HSD17B4: variants seen among roughly 807,000 people sequenced by gnomAD.
The protein encoded by HSD17B4 is peroxisomal multifunctional enzyme type 2.
HSD17B4 carries 70 observed loss-of-function variants against 101.0 expected under a neutral mutation model. The observed-to-expected ratio is 0.69, with a 90% CI of 0.57 to 0.85. HSD17B4 has a LOEUF of 0.85. Ranked by LOEUF, HSD17B4 falls within the 40% of genes least tolerant of loss-of-function variation. The probability of loss-of-function intolerance (pLI) is 0.00; values close to 1 mark genes in which losing one functional copy is unlikely to be tolerated. For missense variants in HSD17B4, 984 were observed against 892.4 expected, an observed-to-expected ratio of 1.10 and a Z score of -1.31; for synonymous variants, 347 against 297.1, an observed-to-expected ratio of 1.17 and a Z score of -1.73.
intron 1 of HSD17B4, among the ~76,000 whole-genome samples, chr5:119,455,721 A>G (rs1030863980): frequency 2.0e-5 from 3 of 152,082 alleles, no homozygotes; most frequent in South Asian, 4.1e-4. Flanking sequence ...CAAAGGATTC[A>G]ATACAGGCAA....
chr5:119,474,645 G>A (rs899286147), intron 4 of HSD17B4, among the ~76,000 whole-genome samples, 185 bp downstream of exon 4: 12 of 152,018 alleles, frequency 7.9e-5, no homozygotes, highest in African/African-American at 2.9e-4. Flanking sequence ...CAATTTTATG[G>A]ATATAGTGTT....
chr5:119,477,354 G>A (rs1448620009), intron 6 of HSD17B4, 63 bp from the exon 7 acceptor site: 6 of 1,118,784 alleles, frequency 5.4e-6, no homozygotes, highest in Middle Eastern at 2.2e-4. Context: ...CATTGCTTAT[G>A]TTGATTCTTA....
At chr5:119,476,654 T>C in intron 6 of HSD17B4, 1 of 985,332 alleles carries the variant, frequency 1.0e-6, no homozygotes, top group African/African-American at 1.7e-5. Flanking sequence ...AAAAAGAAGC[T>C]GAGAAAGATA....
At chr5:119,539,922 C>CAAA (rs35193622) in intron 23 of HSD17B4, among the ~76,000 whole-genome samples, 24,200 of 104,568 alleles carry the variant, frequency 0.23, 3,188 homozygotes, top group East Asian at 0.35. Flanking sequence ...CTGTCTCTAC[C>CAAA]AAAAAAAAAA....
chr5:119,477,454 A>G lies in HSD17B4; in HGVS notation c.387A>G (p.Gln129=), dbSNP rs948002599. ...IHRVHLRGSF[Q]VTRAAWEHMK... is the part of the protein sequence containing the mutation. ...GAGTTCATTTGCGGGGTTCATTCCA[A>G]GTGACACGGGCAGCATGGGAACACA... The change falls in exon 7 of 24, where the codon CAA becomes CAG. Residue 129 remains glutamine (Q), a synonymous_variant. Coordinates refer to ENST00000510025, the MANE Select transcript of HSD17B4 (RefSeq NM_000414.4). 2 of 1,612,990 alleles carry G rather than the reference A, an allele frequency of 1.2e-6. No homozygotes were observed. Among genetic ancestry groups the G allele is most frequent in the African/African-American group, 1.3e-5 (1 of 74,882 alleles).
At chr5:119,453,740 T>C (rs950623479) in intron 1 of HSD17B4, among the ~76,000 whole-genome samples, 2 of 152,278 alleles carry the variant, frequency 1.3e-5, no homozygotes, top group African/African-American at 2.4e-5. Context: ...CCAAGTATTT[T>C]ATACCCATAG....
intron 13 of HSD17B4, among the ~76,000 whole-genome samples, chr5:119,500,322 G>A (rs1373795177): frequency 1.3e-5 from 2 of 151,532 alleles, no homozygotes; most frequent in African/African-American, 4.8e-5. Context: ...AGAGAGAGAT[G>A]GGTGCATATA....
intron 2 of HSD17B4, among the ~76,000 whole-genome samples, chr5:119,458,429 T>G (rs898700088): frequency 1.4e-4 from 21 of 151,700 alleles, no homozygotes; most frequent in Non-Finnish European, 2.4e-4. Context: ...CTGCAACGTC[T>G]GCCTCCGGGT....
intron 14 of HSD17B4, among the ~76,000 whole-genome samples, chr5:119,503,798 T>C (rs1383572353): frequency 1.3e-5 from 2 of 152,118 alleles, no homozygotes; most frequent in Non-Finnish European, 2.9e-5. Flanking sequence ...AATTTTAACT[T>C]TTATTTTAGA....
chr5:119,474,859 T>C (rs959235222), intron 4 of HSD17B4, among the ~76,000 whole-genome samples: 9 of 152,158 alleles, frequency 5.9e-5, no homozygotes, highest in Non-Finnish European at 1.3e-4. Context: ...GCAAATTACT[T>C]AAGATGATTT....
intron 7 of HSD17B4, 70 bp downstream of exon 7, chr5:119,477,571 GATT>G: frequency 1.0e-6 from 1 of 1,001,832 alleles, no homozygotes; most frequent in Non-Finnish European, 1.6e-6. Flanking sequence ...TACAGGGAAA[GATT>G]ATGTGAAGTG....
intron 2 of HSD17B4, among the ~76,000 whole-genome samples, chr5:119,471,979 C>G (rs1485313055): frequency 6.6e-6 from 1 of 152,032 alleles, no homozygotes; most frequent in Non-Finnish European, 1.5e-5. Flanking sequence ...GATTTTCCTG[C>G]AAATAGTAAA....
At chr5:119,535,368 G>A (rs1754447515) in intron 22 of HSD17B4, among the ~76,000 whole-genome samples, 1 of 151,938 alleles carries the variant, frequency 6.6e-6, no homozygotes, top group Non-Finnish European at 1.5e-5. Context: ...AAAAAGAATT[G>A]ATCAGGGTCC....
intron 22 of HSD17B4, among the ~76,000 whole-genome samples, chr5:119,532,482 AG>A (rs1409294467): frequency 6.6e-6 from 1 of 152,142 alleles, no homozygotes; most frequent in East Asian, 1.9e-4. Flanking sequence ...TTTAAAAAAA[AG>A]GTTCTGAAAT....
intron 17 of HSD17B4, among the ~76,000 whole-genome samples, chr5:119,524,656 T>C (rs1423163138): frequency 6.6e-6 from 1 of 152,130 alleles, no homozygotes; most frequent in African/African-American, 2.4e-5. Flanking sequence ...AGTAAACTAG[T>C]GATGTGGAAA....
intron 2 of HSD17B4, among the ~76,000 whole-genome samples, chr5:119,459,462 C>T (rs1397844031): frequency 2.0e-5 from 3 of 152,158 alleles, no homozygotes; most frequent in East Asian, 1.9e-4. Flanking sequence ...CATCCTAGCC[C>T]CCTTATACAT....
intron 14 of HSD17B4, among the ~76,000 whole-genome samples, chr5:119,502,465 AATGTTAAAAG>A (rs1751260431): frequency 6.6e-6 from 1 of 152,106 alleles, no homozygotes; most frequent in South Asian, 2.1e-4. Context: ...TAAAGCAAAC[AATGTTAAAAG>A]ATACAGAATT....
chr5:119,473,273 C>CTTTTTTTTTTTTTTTTTTTTTTTTTCT (rs11408993), intron 2 of HSD17B4, among the ~76,000 whole-genome samples: 1 of 36,964 alleles, frequency 2.7e-5, no homozygotes, highest in Non-Finnish European at 4.6e-5. Flanking sequence ...GTGGATGAAT[C>CTTTTTTTTTTTTTTTTTTTTTTTTTCT]TTTTTTTTTT....
rs374169186 is a variant in HSD17B4 at position 119,477,424 on chromosome 5, C to A, written c.357C>A (p.Ile119=). The A allele has an allele frequency of 5.4e-5, 87 of 1,604,202 alleles. No homozygotes were observed. The highest frequency in any genetic ancestry group is 7.2e-5 in the Non-Finnish European group (84 of 1,171,320). The change falls in exon 7 of 24, where the codon ATC becomes ATA. Residue 119 remains isoleucine, a synonymous_variant. Transcript: ENST00000510025. ...AATAATTTATTGTTTTAGATATAAT[C>A]CACAGAGTTCATTTGCGGGGTTCAT... is the stretch of plus-strand genomic sequence containing the variant. ...ARISDEDWDI[I]HRVHLRGSFQ... is the part of the protein sequence containing the mutation.
Sources: gnomAD v4.1 joint callset for allele counts (sites outside exome capture counted in the v4.1 genomes callset) on GRCh38, gnomAD v4.1.1 for gene constraint, MANE v1.5 for transcripts, NCBI Gene and HGNC (gene_info 2026-07-23, HGNC 2026-07-21) for gene names.